The following MCC variants were observed in gnomAD, a reference collection of about 807,000 sequenced individuals.
MCC encodes colorectal mutant cancer protein.
In MCC, 90 loss-of-function variants were observed where a neutral mutation model predicts 116.2. The ratio of observed to expected loss-of-function variants is 0.77; its 90% CI spans 0.65 to 0.92. The LOEUF (loss-of-function observed/expected upper bound fraction) is 0.92, where lower values mean the gene tolerates loss of function less well. Among genes scored for constraint, MCC ranks in the 40% least tolerant of loss-of-function variants. The pLI is 0.00. For missense variants in MCC, 1,516 were observed against 1,312.2 expected, an observed-to-expected ratio of 1.16 and a Z score of -2.40; for synonymous variants, 578 against 510.5, an observed-to-expected ratio of 1.13 and a Z score of -1.78.
At chr5:113,050,399 C>G (rs10054040) in intron 15 of MCC, among the ~76,000 whole-genome samples, 6,229 of 152,204 alleles carry the variant, frequency 0.041, 445 homozygotes, top group African/African-American at 0.14. Context: ...CCCCCGAAGT[C>G]ACCCTTCTGA....
chr5:113,029,762 G>C (rs570864716), intron 17 of MCC, among the ~76,000 whole-genome samples: 1 of 152,208 alleles, frequency 6.6e-6, no homozygotes, highest in East Asian at 1.9e-4. Context: ...ACCCAGCAGG[G>C]AAACACTAAT....
At chr5:113,120,417 G>A (rs1361189446) in intron 6 of MCC, among the ~76,000 whole-genome samples, 1 of 152,172 alleles carries the variant, frequency 6.6e-6, no homozygotes, top group African/African-American at 2.4e-5. Flanking sequence ...CAATGGCTTT[G>A]ATGTATTTTA....
chr5:113,253,869 T>C (rs1008713271), intron 3 of MCC, among the ~76,000 whole-genome samples: 7 of 152,038 alleles, frequency 4.6e-5, no homozygotes, highest in Non-Finnish European at 8.8e-5. Context: ...AAGTTAAAAA[T>C]TCATTAGAAA....
chr5:113,161,021 T>C (rs1011856910), intron 3 of MCC, among the ~76,000 whole-genome samples: 2 of 152,240 alleles, frequency 1.3e-5, no homozygotes, highest in African/African-American at 2.4e-5. Flanking sequence ...ATATATTTTG[T>C]AAAAATTTCC....
At chr5:113,081,390 G>T (rs1281573367) in intron 11 of MCC, among the ~76,000 whole-genome samples, 12 of 152,166 alleles carry the variant, frequency 7.9e-5, no homozygotes. Flanking sequence ...GGATTAAGTG[G>T]CTGTCTGCGA....
At chr5:113,144,896 A>T (rs1759399289) in intron 4 of MCC, among the ~76,000 whole-genome samples, 1 of 152,246 alleles carries the variant, frequency 6.6e-6, no homozygotes, top group Admixed American at 6.5e-5. Flanking sequence ...CACACAAAAA[A>T]TAAGCGGGAA....
chr5:113,202,836 T>C (rs1762744158), intron 3 of MCC, among the ~76,000 whole-genome samples: 1 of 152,090 alleles, frequency 6.6e-6, no homozygotes, highest in Non-Finnish European at 1.5e-5. Flanking sequence ...CTTCAGACTT[T>C]TGAACTTTAT....
At chr5:113,310,686 T>C (rs1177287342) in intron 3 of MCC, among the ~76,000 whole-genome samples, 1 of 152,238 alleles carries the variant, frequency 6.6e-6, no homozygotes, top group Non-Finnish European at 1.5e-5. Flanking sequence ...GAGGGAAATG[T>C]GTCACATGGG....
At chr5:113,338,777 A>T (rs1345414814) in intron 3 of MCC, among the ~76,000 whole-genome samples, 1 of 152,188 alleles carries the variant, frequency 6.6e-6, no homozygotes. Flanking sequence ...ATAATCGCCT[A>T]ATCTCCTGAG....
chr5:113,282,462 C>T (rs1354367612), intron 3 of MCC, among the ~76,000 whole-genome samples: 3 of 152,204 alleles, frequency 2.0e-5, no homozygotes, highest in African/African-American at 4.8e-5. Context: ...TTGGAAGTCG[C>T]TCTGTCAATC....
intron 3 of MCC, among the ~76,000 whole-genome samples, chr5:113,337,285 G>A (rs1767893021): frequency 1.3e-5 from 2 of 152,128 alleles, no homozygotes. Flanking sequence ...CTGGCACCTC[G>A]GAGGACACCT....
At chr5:113,377,999 G>A (rs1424178135) in intron 2 of MCC, among the ~76,000 whole-genome samples, 1 of 152,128 alleles carries the variant, frequency 6.6e-6, no homozygotes, top group Non-Finnish European at 1.5e-5. Context: ...TATGCTCACT[G>A]GGCAGTATTT....
chr5:113,395,072 T>C (rs1769490435), intron 1 of MCC, among the ~76,000 whole-genome samples: 1 of 152,212 alleles, frequency 6.6e-6, no homozygotes, highest in Non-Finnish European at 1.5e-5. Context: ...AGGACAAAGT[T>C]CATTCCTTGT....
chr5:113,103,928 G>C (rs897385783), intron 7 of MCC, among the ~76,000 whole-genome samples: 4 of 152,308 alleles, frequency 2.6e-5, no homozygotes, highest in African/African-American at 4.8e-5. Flanking sequence ...AATACTAGCA[G>C]TCGAATGGTT....
intron 8 of MCC, among the ~76,000 whole-genome samples, chr5:113,086,961 T>C (rs552481598): frequency 1.3e-5 from 2 of 152,326 alleles, no homozygotes; most frequent in African/African-American, 4.8e-5. Context: ...AAGATGCTGA[T>C]GCTGCCGGTC....
At chr5:113,273,507 A>T (rs1446042835) in intron 3 of MCC, among the ~76,000 whole-genome samples, 1 of 152,194 alleles carries the variant, frequency 6.6e-6, no homozygotes, top group Admixed American at 6.5e-5. Context: ...CAGAAATCTA[A>T]TAGGACATAA....
chr5:113,150,657 G>T (rs148775919), intron 4 of MCC, among the ~76,000 whole-genome samples: 2,945 of 152,090 alleles, frequency 0.019, 95 homozygotes, highest in African/African-American at 0.067. Flanking sequence ...AATTAAAAAA[G>T]ATTTAAAATA....
At chr5:113,272,127 C>T (rs1765639209) in intron 3 of MCC, among the ~76,000 whole-genome samples, 1 of 152,152 alleles carries the variant, frequency 6.6e-6, no homozygotes, top group African/African-American at 2.4e-5. Flanking sequence ...CTGGATTTTG[C>T]TTGCACCAAA....
intron 3 of MCC, among the ~76,000 whole-genome samples, chr5:113,268,985 G>A (rs1765515528): frequency 6.6e-6 from 1 of 152,110 alleles, no homozygotes; most frequent in Admixed American, 6.5e-5. Flanking sequence ...TGAGAATGCA[G>A]TAGAGAAGCA....
Sources: gnomAD v4.1 joint callset for allele counts (sites outside exome capture counted in the v4.1 genomes callset) on GRCh38, gnomAD v4.1.1 for gene constraint, MANE v1.5 for transcripts, NCBI Gene and HGNC (gene_info 2026-07-23, HGNC 2026-07-21) for gene names.